Variants in DNAJB6 observed in about 807,000 individuals in gnomAD.
DNAJB6 encodes the protein dnaJ homolog subfamily B member 6.
In DNAJB6, 16 loss-of-function variants were observed where a neutral mutation model predicts 42.7. The observed-to-expected ratio is 0.37, with a 90% CI of 0.25 to 0.57. The LOEUF is 0.57. Ranked by LOEUF, DNAJB6 falls within the 20% of genes least tolerant of loss-of-function variation. The pLI is 0.74. For missense variants in DNAJB6, 347 were observed against 416.8 expected (o/e 0.83, Z 1.46); for synonymous variants, 170 against 163.5 (o/e 1.04, Z -0.30).
chr7:157,408,468 T>C (rs1795850959), intron 8 of DNAJB6, among the ~76,000 whole-genome samples: 1 of 152,184 alleles, frequency 6.6e-6, no homozygotes, highest in East Asian at 1.9e-4. Context: ...ACACACAGGC[T>C]CCAGGCTGCG....
At chr7:157,383,547 G>A (rs1800893517) in intron 6 of DNAJB6, among the ~76,000 whole-genome samples, 1 of 152,058 alleles carries the variant, frequency 6.6e-6, no homozygotes, top group African/African-American at 2.4e-5. Context: ...GGTTAAGAAA[G>A]CTAGTTAAAA....
chr7:157,354,117 A>G (rs1799151291), intron 1 of DNAJB6, among the ~76,000 whole-genome samples: 2 of 152,024 alleles, frequency 1.3e-5, no homozygotes, highest in Non-Finnish European at 2.9e-5. Flanking sequence ...CTGTTGTGAT[A>G]ATAATCTACA....
chr7:157,390,876 C>T (rs372829108), intron 8 of DNAJB6, among the ~76,000 whole-genome samples: 1 of 152,182 alleles, frequency 6.6e-6, no homozygotes, highest in African/African-American at 2.4e-5. Flanking sequence ...CTCTCTCTAA[C>T]CCAGGCTGGA....
intron 1 of DNAJB6, 55 bp from the exon 2 acceptor site, chr7:157,358,492 C>A: frequency 8.6e-7 from 1 of 1,168,260 alleles, no homozygotes; most frequent in Non-Finnish European, 1.3e-6. Flanking sequence ...ATCCCACCAC[C>A]GTGATTTGCC....
intron 1 of DNAJB6, among the ~76,000 whole-genome samples, chr7:157,352,283 T>C (rs1368333754): frequency 1.3e-5 from 2 of 151,892 alleles, no homozygotes; most frequent in African/African-American, 4.8e-5. Context: ...GAGCCAAAAT[T>C]GTGCTACTCT....
intron 8 of DNAJB6, among the ~76,000 whole-genome samples, chr7:157,407,919 C>T (rs1450431335): frequency 1.3e-5 from 2 of 152,190 alleles, no homozygotes; most frequent in East Asian, 1.9e-4. Flanking sequence ...GGCGCCCTGG[C>T]ATGTTTCCTC....
chr7:157,413,485 ACTTAAGGGTTTTCAAGT>A (rs1796030548), intron 9 of DNAJB6: 1 of 152,176 alleles, frequency 6.6e-6, no homozygotes, highest in South Asian at 2.1e-4. Flanking sequence ...GTGTATTTAT[ACTTAAGGGTTTTCAAGT>A]CCTTAAACTT....
chr7:157,375,695 G>A (rs961789350), intron 5 of DNAJB6, among the ~76,000 whole-genome samples: 2 of 152,210 alleles, frequency 1.3e-5, no homozygotes, highest in African/African-American at 4.8e-5. Flanking sequence ...TTGTATTCCA[G>A]ATTCCTAACA....
intron 5 of DNAJB6, among the ~76,000 whole-genome samples, chr7:157,375,919 T>C (rs545648136): frequency 3.9e-5 from 6 of 152,344 alleles, no homozygotes; most frequent in South Asian, 2.1e-4. Flanking sequence ...ATGGTGCTTT[T>C]TCAGTTTTGT....
chr7:157,374,499 T>C (rs1800375373), intron 5 of DNAJB6, among the ~76,000 whole-genome samples: 1 of 152,128 alleles, frequency 6.6e-6, no homozygotes, highest in African/African-American at 2.4e-5. Context: ...GCTCAGGCGA[T>C]CCACCCACCT....
intron 8 of DNAJB6, among the ~76,000 whole-genome samples, chr7:157,405,480 G>T (rs1795731454): frequency 2.0e-5 from 3 of 152,182 alleles, no homozygotes; most frequent in Admixed American, 2.0e-4. Context: ...TGACTGGGAG[G>T]CGAATGGGCC....
At chr7:157,353,716 G>A (rs912208375) in intron 1 of DNAJB6, among the ~76,000 whole-genome samples, 2 of 151,886 alleles carry the variant, frequency 1.3e-5, no homozygotes, top group Admixed American at 6.6e-5. Flanking sequence ...CTGGAATGCC[G>A]CGGTGCAGTC....
At chr7:157,394,069 C>T (rs774568888) in intron 8 of DNAJB6, among the ~76,000 whole-genome samples, 4 of 152,136 alleles carry the variant, frequency 2.6e-5, no homozygotes, top group Non-Finnish European at 5.9e-5. Context: ...TTATTATTAT[C>T]CTGAGTTTTT....
At chr7:157,343,648 C>T (rs1160784906) in intron 1 of DNAJB6, among the ~76,000 whole-genome samples, 1 of 152,026 alleles carries the variant, frequency 6.6e-6, no homozygotes, top group Non-Finnish European at 1.5e-5. Context: ...GGGGTTTCAC[C>T]ACGTTGGCCA....
chr7:157,414,557 A>C (rs1796064285), intron 9 of DNAJB6: 1 of 152,260 alleles, frequency 6.6e-6, no homozygotes, highest in Non-Finnish European at 1.5e-5. Context: ...CCGTAGCTTG[A>C]GGCACATTTC....
rs200353918 is a variant in DNAJB6 at position 157,377,651 on chromosome 7, G to A, written c.347-4595G>A. On this transcript the variant is annotated intron_variant, in intron 5 of 9. Transcript: ENST00000262177. ...ATCACAGGCCCCCAGGTGATTGGTCGAGGCCCATCCACATTAGGGAGGCAA... is the reference window on the plus strand; with the variant it reads ...ATCACAGGCCCCCAGGTGATTGGTCAAGGCCCATCCACATTAGGGAGGCAA... Among the ~76,000 whole-genome samples, 14 of 152,224 alleles carry A rather than the reference G, an allele frequency of 9.2e-5. No individual in the cohort carries two copies. The East Asian group carries it at 2.1e-3, about 23-fold the overall frequency.
rs928775457 is a variant in DNAJB6 at position 157,337,041 on chromosome 7, G to C, written c.-130G>C. The C allele has an allele frequency of 6.6e-6, 1 of 152,366 alleles. No individual in the cohort carries two copies. The highest frequency in any genetic ancestry group is 2.4e-5 in the African/African-American group (1 of 41,452). 9.4% of individuals were successfully genotyped at this position (152,366 alleles called of 1,614,324 possible). ...GGAGAAAGGAGAGAAAGGAAAGCGC[G>C]AGGAGCCGCCGCCACCACCAGCGCA... On this transcript the variant is annotated 5_prime_UTR_variant, in exon 1 of 10. Coordinates refer to ENST00000262177, the MANE Select transcript of DNAJB6 (RefSeq NM_058246.4).
intron 4 of DNAJB6, among the ~76,000 whole-genome samples, chr7:157,366,909 C>T (rs150520250): frequency 3.3e-5 from 5 of 152,160 alleles, no homozygotes; most frequent in African/African-American, 7.2e-5. Flanking sequence ...CTTTGAAGGG[C>T]GTGGACTTTG....
chr7:157,402,796 G>A (rs758319769), intron 8 of DNAJB6, among the ~76,000 whole-genome samples: 2 of 152,210 alleles, frequency 1.3e-5, no homozygotes, highest in Non-Finnish European at 2.9e-5. Context: ...CTTTTCCAGG[G>A]CAGGGTAAAC....
Sources: allele counts gnomAD v4.1 joint callset (sites outside exome capture counted in the v4.1 genomes callset), GRCh38; gene constraint gnomAD v4.1.1; transcripts MANE v1.5; gene names NCBI Gene and HGNC (gene_info 2026-07-23, HGNC 2026-07-21).